The following UNC45A variants were observed in gnomAD, a reference collection of about 807,000 sequenced individuals.
UNC45A encodes protein unc-45 homolog A.
In UNC45A, 78 loss-of-function variants were observed where a neutral mutation model predicts 103.2. That is an observed-to-expected ratio of 0.76 (90% confidence interval 0.63 to 0.91). The LOEUF (loss-of-function observed/expected upper bound fraction) is 0.91. Among genes scored for constraint, UNC45A ranks in the 40% least tolerant of loss-of-function variants. UNC45A has a pLI of 0.00. For missense variants in UNC45A, 1,193 were observed against 1,224.8 expected, an observed-to-expected ratio of 0.97 and a Z score of 0.39; for synonymous variants, 495 against 504.6, an observed-to-expected ratio of 0.98 and a Z score of 0.25.
At chr15:90,932,151 G>C, upstream of UNC45A, 1 of 1,554,962 alleles carries the variant, frequency 6.4e-7, no homozygotes, top group Non-Finnish European at 8.7e-7. Flanking sequence ...GTCGGAGGTA[G>C]TCCCAAGGCG....
In UNC45A at chr15:90,950,179, G is replaced by T; in HGVS notation, c.2099G>T (p.Gly700Val). The T allele has an allele frequency of 1.3e-6, 2 of 1,551,646 alleles. No individual in the cohort carries two copies. The highest frequency in any genetic ancestry group is 1.7e-6 in the Non-Finnish European group (2 of 1,146,992). ...GRALIPLALE[G>V]TDVGQTKAAQ... ...GCGCTGATCCCGCTGGCCCTGGAAGGCACGGACGTGGGGCAGACAAAGGCA... is the reference window on the plus strand; with the variant it reads ...GCGCTGATCCCGCTGGCCCTGGAAGTCACGGACGTGGGGCAGACAAAGGCA... Residue 700 changes from glycine to valine, a missense_variant, in exon 16 of 20, where the codon GGC becomes GTC. By Grantham distance (109) the Gly-to-Val change is moderately radical. Transcript: ENST00000418476.
At chr15:90,952,854 T>G in intron 17 of UNC45A, 75 bp from the exon 18 acceptor site, 1 of 1,390,202 alleles carries the variant, frequency 7.2e-7, no homozygotes, top group Non-Finnish European at 9.9e-7. Context: ...ACATTGGGGA[T>G]TATAGTTCAA....
rs2037061459 is a variant in UNC45A at position 90,953,660 on chromosome 15, T to C, written c.2779T>C (p.Cys927Arg). ...CCCTGTCACAAGGGCTGCTGCAGCC[T>C]GCCTGGACAAAGCAGTGGAATATGG... is the stretch of plus-strand genomic sequence containing the variant. ...HSPVTRAAAA[C>R]LDKAVEYGLI... Residue 927 changes from cysteine (C) to arginine (R), a missense_variant, in exon 20 of 20, where the codon TGC becomes CGC. Coordinates refer to ENST00000418476, the MANE Select transcript of UNC45A (RefSeq NM_018671.5). 5 of 1,614,028 alleles carry C rather than the reference T, an allele frequency of 3.1e-6. No homozygotes were observed. The highest frequency in any genetic ancestry group is 4.2e-6 in the Non-Finnish European group (5 of 1,180,038).
Position 90,942,226 on chromosome 15 carries a change from C to T in UNC45A, c.688-211C>T, listed in dbSNP as rs1447745676. Reference sequence around the variant, plus strand: ...ACCAAGGAGAGGTAGTAGGGCATTGCCGTGTAATGTCTCCTTTAGGAAATC... The same window carrying T: ...ACCAAGGAGAGGTAGTAGGGCATTGTCGTGTAATGTCTCCTTTAGGAAATC... On this transcript the variant is annotated intron_variant, in intron 6 of 19. Coordinates refer to ENST00000418476, the MANE Select transcript of UNC45A (RefSeq NM_018671.5). Among the ~76,000 whole-genome samples, 10 of 152,288 alleles carry T rather than the reference C, an allele frequency of 6.6e-5. No homozygotes were observed. In the East Asian group the frequency reaches 1.7e-3, roughly 26 times the overall value.
At chr15:90,944,173 T>C (rs778876907) in intron 8 of UNC45A, among the ~76,000 whole-genome samples, 1 of 151,170 alleles carries the variant, frequency 6.6e-6, no homozygotes, top group Non-Finnish European at 1.5e-5. Flanking sequence ...GACCACAAGA[T>C]CAGGAGTTTG....
At chr15:90,939,324 G>T (rs952686077) in intron 4 of UNC45A, among the ~76,000 whole-genome samples, 5 of 152,326 alleles carry the variant, frequency 3.3e-5, no homozygotes, top group African/African-American at 1.2e-4. Context: ...TGGAGCTAAA[G>T]GAAGTGTTAG....
At chr15:90,952,735 G>A (rs1357280141) in intron 17 of UNC45A, 194 bp from the exon 18 acceptor site, 30 of 588,092 alleles carry the variant, frequency 5.1e-5, no homozygotes, top group South Asian at 1.2e-4. Context: ...GAGATGCCAC[G>A]CACTTTTAAA....
chr15:90,946,728 C>A lies in UNC45A; in HGVS notation c.1314C>A (p.Val438=). ...AGNRALELSG[V]MESVIALCAS... is the part of the protein sequence containing the mutation. ...ACCGGGCCTTGGAGCTGAGCGGTGT[C>A]ATGGAGAGTGTGATTGCTCTGTGTG... Residue 438 remains valine, a synonymous_variant, in exon 10 of 20, where the codon GTC becomes GTA. Coordinates refer to ENST00000418476, the MANE Select transcript of UNC45A (RefSeq NM_018671.5). 4.3e-6 allele frequency: 7 copies of A among 1,613,742 alleles called. No individual in the cohort carries two copies. Among genetic ancestry groups the A allele is most frequent in the Non-Finnish European group, 5.1e-6 (6 of 1,180,044 alleles).
At chr15:90,943,986 GTTTTTTTTTTTTTT>G (rs953436599) in intron 8 of UNC45A, among the ~76,000 whole-genome samples, 8 of 78,320 alleles carry the variant, frequency 1.0e-4, no homozygotes, top group East Asian at 8.6e-4. Context: ...ATTGTGCCCT[GTTTTTTTTTTTTTT>G]TTTTTTTTTT....
upstream of UNC45A, chr15:90,931,015 G>T: frequency 2.2e-6 from 1 of 455,856 alleles, no homozygotes; most frequent in Non-Finnish European, 4.0e-6. Context: ...ATCCCACCAT[G>T]CAAAATAGCA....
At chr15:90,942,322 G>A in intron 6 of UNC45A, 115 bp from the exon 7 acceptor site, 2 of 1,237,444 alleles carry the variant, frequency 1.6e-6, no homozygotes, top group Non-Finnish European at 2.2e-6. Flanking sequence ...ACCTGGAGCT[G>A]GGCCTTCCAC....
rs770807532 is a variant in UNC45A at position 90,942,931 on chromosome 15, G to A, written c.876G>A (p.Lys292=). The A allele has an allele frequency of 2.5e-6, 4 of 1,609,016 alleles. No individual in the cohort carries two copies. The Admixed American group carries it at 5.0e-5, about 20-fold the overall frequency. Residue 292 remains lysine (K), a synonymous_variant, in exon 8 of 20, where the codon AAG becomes AAA. Transcript: ENST00000418476. ...AIIVDPAREL[K]VLISNLLDLL... ...TGCCAGATCCTGCCCGGGAGCTGAA[G>A]GTCCTCATCAGTAACCTCTTAGATC...
At chr15:90,932,564 C>A (rs932178288), upstream of UNC45A, 1 of 1,225,618 alleles carries the variant, frequency 8.2e-7, no homozygotes, top group African/African-American at 1.6e-5. Context: ...CCGACGACTG[C>A]GGCCGCAGGG....
chr15:90,937,108 G>A (rs1168423075), intron 4 of UNC45A, among the ~76,000 whole-genome samples: 1 of 152,216 alleles, frequency 6.6e-6, no homozygotes, highest in Non-Finnish European at 1.5e-5. Context: ...TGCTTTTGGA[G>A]GCCAAGATGG....
chr15:90,933,982 G>A (rs2035894188), upstream of UNC45A: 1 of 398,962 alleles, frequency 2.5e-6, no homozygotes, highest in Non-Finnish European at 4.4e-6. Context: ...TGCAGTCACG[G>A]CCTAGAAAGA....
Position 90,948,163 on chromosome 15 carries a change from C to A in UNC45A, c.1617C>A (p.Ile539=). ...CCAGGTGGCTGTGCAATGACCAGAT[C>A]GACGCAGGCACTCGGCGCTGGGCAG... The part of the protein sequence containing the change: ...QCRKWLCNDQ[I]DAGTRRWAVE... Residue 539 remains isoleucine, a synonymous_variant, in exon 12 of 20, where the codon ATC becomes ATA. Coordinates refer to ENST00000418476, the MANE Select transcript of UNC45A (RefSeq NM_018671.5). 1 of 1,614,098 alleles carries A rather than the reference C, an allele frequency of 6.2e-7. No individual in the cohort carries two copies.
At chr15:90,932,110 C>A (rs772838683), upstream of UNC45A, 12 of 1,590,438 alleles carry the variant, frequency 7.5e-6, no homozygotes, top group African/African-American at 1.6e-4. Context: ...CCGTGCCACA[C>A]CTGACGGGGA....
At chr15:90,935,225 A>T, upstream of UNC45A, 12 of 1,241,246 alleles carry the variant, frequency 9.7e-6, no homozygotes, top group Non-Finnish European at 1.4e-5. Context: ...CCCACCTCCG[A>T]CGCAAGAGTG....
chr15:90,931,440 T>C, upstream of UNC45A: 2 of 1,611,772 alleles, frequency 1.2e-6, no homozygotes, highest in Non-Finnish European at 1.7e-6. Flanking sequence ...GCTAGCGTGA[T>C]GTCAAGGAAA....
Sources: allele counts gnomAD v4.1 joint callset (sites outside exome capture counted in the v4.1 genomes callset), GRCh38; gene constraint gnomAD v4.1.1; transcripts MANE v1.5; gene names NCBI Gene and HGNC (gene_info 2026-07-23, HGNC 2026-07-21).